Variants in KCTD8 observed in about 807,000 individuals in gnomAD.
KCTD8 encodes potassium channel tetramerization domain containing 8, also known as BTB/POZ domain-containing protein KCTD8.
Under a neutral mutation model 31.5 loss-of-function variants are expected in KCTD8, and 27 were observed. The observed-to-expected ratio is 0.86, with a 90% CI of 0.63 to 1.18. KCTD8 has a LOEUF of 1.18. KCTD8 is among the 50% of genes most tolerant of loss of function. KCTD8 has a pLI of 0.00. For missense variants in KCTD8, 658 were observed against 647.7 expected, an observed-to-expected ratio of 1.02 and a Z score of -0.17; for synonymous variants, 290 against 280.0, an observed-to-expected ratio of 1.04 and a Z score of -0.36.
Position 44,203,445 on chromosome 4 carries a change from G to A in KCTD8, c.962-28195C>T, listed in dbSNP as rs112542868. Among the ~76,000 whole-genome samples the A allele has an allele frequency of 1.7e-3, 244 of 147,692 alleles. 1 individual carries two copies. The highest frequency in any genetic ancestry group is 5.3e-3 in the African/African-American group (213 of 39,936). ...GCGGAGGTTGCAGTAAGCCAAGATC[G>A]TGCCATTGTACTCCAGCCTGGGCTG... On this transcript the variant is annotated intron_variant, in intron 1 of 1. Coordinates refer to ENST00000360029, the MANE Select transcript of KCTD8 (RefSeq NM_198353.3).
chr4:44,339,817 T>C (rs1256653169), intron 1 of KCTD8, among the ~76,000 whole-genome samples: 1 of 152,074 alleles, frequency 6.6e-6, no homozygotes, highest in African/African-American at 2.4e-5. Context: ...TAAAAACCAA[T>C]AGCAAAAATA....
chr4:44,345,896 T>A (rs1413826507), intron 1 of KCTD8, among the ~76,000 whole-genome samples: 1 of 151,442 alleles, frequency 6.6e-6, no homozygotes, highest in Non-Finnish European at 1.5e-5. Flanking sequence ...CAAATAGACT[T>A]AAAAAATTAA....
chr4:44,402,145 G>C (rs1458701855), intron 1 of KCTD8, among the ~76,000 whole-genome samples: 1 of 152,152 alleles, frequency 6.6e-6, no homozygotes, highest in Non-Finnish European at 1.5e-5. Flanking sequence ...TAGAGCTGGA[G>C]AACAACAACT....
chr4:44,447,590 T>C lies in KCTD8; in HGVS notation c.934A>G (p.Ser312Gly). Residue 312 changes from serine to glycine, a missense_variant, in exon 1 of 2, where the codon AGC becomes GGC. Transcript: ENST00000360029. The stretch of plus-strand genomic sequence containing the variant: ...AAGAAAATGTACTCGGTGTAGCTGC[T>C]CCAGATCTTGTCGTCGCGGTACTGG... Reference protein sequence around the residue: ...VNQYRDDKIWSSYTEYIFFRP... With the variant: ...VNQYRDDKIWGSYTEYIFFRP... The C allele has an allele frequency of 6.3e-7, 1 of 1,598,462 alleles. No individual in the cohort carries two copies. The highest frequency in any genetic ancestry group is 8.5e-7 in the Non-Finnish European group (1 of 1,172,318).
chr4:44,320,564 A>G (rs896109202), intron 1 of KCTD8, among the ~76,000 whole-genome samples: 2 of 152,202 alleles, frequency 1.3e-5, no homozygotes, highest in African/African-American at 4.8e-5. Context: ...GGTGGTATAG[A>G]GAGAATCACT....
At chr4:44,229,816 AT>A (rs1011439094) in intron 1 of KCTD8, among the ~76,000 whole-genome samples, 12 of 145,134 alleles carry the variant, frequency 8.3e-5, no homozygotes, top group African/African-American at 1.5e-4. Flanking sequence ...TGCCTTAAGG[AT>A]TTTTTTTTCT....
rs1333818959 is a variant in KCTD8 at position 44,382,761 on chromosome 4, GA to G, written c.961+64801del. 5.3e-5 allele frequency among the ~76,000 whole-genome samples: 8 copies of G among 150,000 alleles called. No homozygotes were observed. In the East Asian group the frequency reaches 1.4e-3, roughly 26 times the overall value. The stretch of plus-strand genomic sequence containing the variant: ...AAAAAAAAGAATTCAAACAAGACAA[GA>G]ATGTTCACTGTCATCACTATTGTTC... On this transcript the variant is annotated intron_variant, in intron 1 of 1. Transcript: ENST00000360029.
intron 1 of KCTD8, among the ~76,000 whole-genome samples, chr4:44,254,918 A>T (rs1290824629): frequency 6.6e-6 from 1 of 151,786 alleles, no homozygotes; most frequent in African/African-American, 2.4e-5. Context: ...CATTTTATTT[A>T]TAATTTGGCT....
At chr4:44,182,083 G>A (rs1349707245) in intron 1 of KCTD8, among the ~76,000 whole-genome samples, 1 of 151,964 alleles carries the variant, frequency 6.6e-6, no homozygotes, top group Non-Finnish European at 1.5e-5. Flanking sequence ...GAAGTGAGGA[G>A]CCCCTCCGCC....
At chr4:44,435,206 C>A (rs1166756627) in intron 1 of KCTD8, among the ~76,000 whole-genome samples, 3 of 151,942 alleles carry the variant, frequency 2.0e-5, no homozygotes, top group Non-Finnish European at 2.9e-5. Context: ...AAACACCTAG[C>A]AAGTGTCTTC....
intron 1 of KCTD8, among the ~76,000 whole-genome samples, chr4:44,260,389 C>T (rs1476115348): frequency 6.6e-6 from 1 of 151,542 alleles, no homozygotes. Flanking sequence ...GATTTACCTT[C>T]CAGGCAAAAA....
At chr4:44,207,033 A>T (rs1368263196) in intron 1 of KCTD8, among the ~76,000 whole-genome samples, 1 of 152,202 alleles carries the variant, frequency 6.6e-6, no homozygotes, top group African/African-American at 2.4e-5. Context: ...AGTATCAGAT[A>T]AGCAACCTAA....
chr4:44,253,454 C>T (rs562481459), intron 1 of KCTD8, among the ~76,000 whole-genome samples: 3 of 151,890 alleles, frequency 2.0e-5, no homozygotes, highest in African/African-American at 4.8e-5. Flanking sequence ...TTTGTGTCCT[C>T]TTCTTTATAT....
At chr4:44,388,870 T>C (rs182215364) in intron 1 of KCTD8, among the ~76,000 whole-genome samples, 3 of 151,306 alleles carry the variant, frequency 2.0e-5, no homozygotes, top group Admixed American at 2.0e-4. Flanking sequence ...TAAAAATAAA[T>C]AAATAGAACT....
At chr4:44,412,428 T>G (rs1356614468) in intron 1 of KCTD8, among the ~76,000 whole-genome samples, 2 of 152,218 alleles carry the variant, frequency 1.3e-5, no homozygotes, top group African/African-American at 4.8e-5. Flanking sequence ...AGAACTACTA[T>G]TCTGGTGAAG....
At chr4:44,186,984 C>A (rs1226374274) in intron 1 of KCTD8, among the ~76,000 whole-genome samples, 2 of 152,016 alleles carry the variant, frequency 1.3e-5, no homozygotes, top group Non-Finnish European at 2.9e-5. Context: ...TGTAACTCAG[C>A]TTGAGGAGTG....
At chr4:44,397,975 G>T (rs1720551671) in intron 1 of KCTD8, among the ~76,000 whole-genome samples, 1 of 151,906 alleles carries the variant, frequency 6.6e-6, no homozygotes, top group African/African-American at 2.4e-5. Flanking sequence ...CTATCCTTTT[G>T]GTCACATCCT....
intron 1 of KCTD8, among the ~76,000 whole-genome samples, chr4:44,440,764 T>C (rs1051795101): frequency 5.3e-5 from 8 of 152,154 alleles, no homozygotes; most frequent in African/African-American, 7.2e-5. Context: ...CTGTAGAAGA[T>C]CAACATGCGA....
intron 1 of KCTD8, among the ~76,000 whole-genome samples, chr4:44,431,120 A>G (rs1721493014): frequency 6.6e-6 from 1 of 151,790 alleles, no homozygotes; most frequent in Admixed American, 6.6e-5. Flanking sequence ...TTAAGCAACC[A>G]CTGACAAAGT....
Sources: allele counts gnomAD v4.1 joint callset (sites outside exome capture counted in the v4.1 genomes callset), GRCh38; gene constraint gnomAD v4.1.1; transcripts MANE v1.5; gene names NCBI Gene and HGNC (gene_info 2026-07-23, HGNC 2026-07-21).